Variants in ATP11C observed in about 807,000 individuals in gnomAD.
ATP11C encodes the protein phospholipid-transporting ATPase IG.
Under a neutral mutation model 97.4 loss-of-function variants are expected in ATP11C, and 36 were observed. The ratio of observed to expected loss-of-function variants is 0.37; its 90% confidence interval spans 0.28 to 0.49. The LOEUF is 0.49. Among genes scored for constraint, ATP11C ranks in the 20% least tolerant of loss-of-function variants. ATP11C has a pLI of 0.98. For missense variants in ATP11C, 730 were observed against 824.6 expected (o/e 0.89, Z 1.40); for synonymous variants, 275 against 290.9 (o/e 0.95, Z 0.56).
chrX:139,740,643 T>A (rs899171807), intron 27 of ATP11C, among the ~76,000 whole-genome samples: 19 of 111,860 alleles, frequency 1.7e-4, no homozygotes, highest in African/African-American at 6.2e-4. Flanking sequence ...GGTCAATATA[T>A]CAGGTAGAAA....
At chrX:139,832,097 CAAGA>C in intron 1 of ATP11C, 1 of 1,147,788 alleles carries the variant, frequency 8.7e-7, no homozygotes, top group Non-Finnish European at 1.2e-6. Flanking sequence ...AAGCAGGCCC[CAAGA>C]CCTCAAAACC....
At chrX:139,832,897 A>G (rs2083679967) in intron 1 of ATP11C, among the ~76,000 whole-genome samples, 1 of 111,975 alleles carries the variant, frequency 8.9e-6, no homozygotes, top group Admixed American at 9.5e-5. Flanking sequence ...CGCAAGGAAA[A>G]AAGCCAGTGG....
At chrX:139,820,300 C>T (rs1429626403) in intron 2 of ATP11C, among the ~76,000 whole-genome samples, 2 of 110,575 alleles carry the variant, frequency 1.8e-5, no homozygotes, top group Non-Finnish European at 3.8e-5. Context: ...ACTTGAGAGG[C>T]TAAGACACGA....
chrX:139,923,348 AT>A (rs898844341), intron 1 of ATP11C, among the ~76,000 whole-genome samples: 24 of 111,490 alleles, frequency 2.2e-4, no homozygotes, highest in Admixed American at 1.2e-3. Flanking sequence ...CTCCTTCTGA[AT>A]GCCTACTGCA....
chrX:139,899,471 C>A (rs1483176007), intron 1 of ATP11C, among the ~76,000 whole-genome samples: 1 of 100,574 alleles, frequency 9.9e-6, no homozygotes, highest in Admixed American at 1.1e-4. Context: ...AGCAAGACTG[C>A]GTCTCAAAAA....
At chrX:139,834,598 T>C (rs772620102) in intron 1 of ATP11C, among the ~76,000 whole-genome samples, 4 of 112,408 alleles carry the variant, frequency 3.6e-5, no homozygotes. Context: ...ATAACTTGGA[T>C]ATTGAAGCAT....
chrX:139,748,575 C>T (rs931688190), intron 24 of ATP11C, among the ~76,000 whole-genome samples: 9 of 111,162 alleles, frequency 8.1e-5, no homozygotes, highest in South Asian at 3.9e-4. Context: ...TAAGTCATTT[C>T]GGGGCCCTGG....
At chrX:139,903,665 T>G (rs763505358) in intron 1 of ATP11C, among the ~76,000 whole-genome samples, 2 of 108,174 alleles carry the variant, frequency 1.8e-5, no homozygotes, top group South Asian at 8.3e-4. Context: ...TTGCTATCCC[T>G]CTCTCTGATT....
chrX:139,783,699 C>A (rs1240532955), intron 16 of ATP11C, among the ~76,000 whole-genome samples: 2 of 110,458 alleles, frequency 1.8e-5, no homozygotes, highest in Non-Finnish European at 3.8e-5. Context: ...ACAGGGAGAC[C>A]CTGACTCTAC....
intron 23 of ATP11C, among the ~76,000 whole-genome samples, chrX:139,755,129 A>C (rs1479338580): frequency 8.9e-6 from 1 of 112,208 alleles, no homozygotes; most frequent in Non-Finnish European, 1.9e-5. Flanking sequence ...TGATAACTTC[A>C]GCGAAGTTTC....
chrX:139,767,014 C>A (rs1302820476), intron 20 of ATP11C, among the ~76,000 whole-genome samples: 1 of 111,456 alleles, frequency 9.0e-6, no homozygotes, highest in Admixed American at 9.5e-5. Flanking sequence ...AACAGGAGTG[C>A]AGAATGTACA....
intron 6 of ATP11C, among the ~76,000 whole-genome samples, chrX:139,803,843 C>T (rs1240366192): frequency 1.9e-5 from 2 of 105,932 alleles, no homozygotes; most frequent in African/African-American, 6.9e-5. Context: ...GAATTACAGG[C>T]GCCCACCACT....
At chrX:139,760,922 T>C (rs2082025339) in intron 22 of ATP11C, among the ~76,000 whole-genome samples, 1 of 112,001 alleles carries the variant, frequency 8.9e-6, no homozygotes, top group African/African-American at 3.2e-5. Flanking sequence ...AGTTTTAGAA[T>C]TAGACAATGA....
chrX:139,926,232 G>A (rs1401732220), intron 1 of ATP11C, among the ~76,000 whole-genome samples: 1 of 111,546 alleles, frequency 9.0e-6, no homozygotes, highest in Non-Finnish European at 1.9e-5. Flanking sequence ...AGTCTCGAGG[G>A]TTCCAGATGT....
chrX:139,879,152 G>C, intron 1 of ATP11C, among the ~76,000 whole-genome samples: 1 of 110,640 alleles, frequency 9.0e-6, no homozygotes, highest in Non-Finnish European at 1.9e-5. Flanking sequence ...ATGTAGGCCT[G>C]AGAAAACCTG....
At chrX:139,882,165 T>C (rs965814684) in intron 1 of ATP11C, among the ~76,000 whole-genome samples, 2 of 111,035 alleles carry the variant, frequency 1.8e-5, no homozygotes, top group African/African-American at 6.5e-5. Context: ...GTGGTAGGGG[T>C]ACAAATCAAA....
At chrX:139,860,799 C>G (rs914404308) in intron 1 of ATP11C, among the ~76,000 whole-genome samples, 10 of 112,228 alleles carry the variant, frequency 8.9e-5, no homozygotes, top group African/African-American at 2.9e-4. Flanking sequence ...GTCTGGGCAA[C>G]AGAGCGAGAC....
chrX:139,843,767 G>T (rs950576852), intron 1 of ATP11C, among the ~76,000 whole-genome samples: 1 of 111,362 alleles, frequency 9.0e-6, no homozygotes, highest in Non-Finnish European at 1.9e-5. Flanking sequence ...CTCAAAGGGG[G>T]TGATTATGTT....
At chrX:139,853,683 TC>T (rs772805365) in intron 1 of ATP11C, among the ~76,000 whole-genome samples, 1 of 109,746 alleles carries the variant, frequency 9.1e-6, no homozygotes, top group Non-Finnish European at 1.9e-5. Context: ...AGCCTTCTTA[TC>T]AAAAATCCTT....
Sources: allele counts gnomAD v4.1 joint callset (sites outside exome capture counted in the v4.1 genomes callset), GRCh38; gene constraint gnomAD v4.1.1; transcripts MANE v1.5; gene names NCBI Gene and HGNC (gene_info 2026-07-23, HGNC 2026-07-21).